Variants in POU2F1 observed in about 807,000 individuals in gnomAD.
POU2F1 encodes POU class 2 homeobox 1.
In POU2F1, 16 loss-of-function variants were observed where a neutral mutation model predicts 84.9. That is an observed-to-expected ratio of 0.19 (90% CI 0.13 to 0.29). POU2F1 has a LOEUF of 0.29. Among genes scored for constraint, POU2F1 ranks in the 10% least tolerant of loss-of-function variants. The probability of loss-of-function intolerance (pLI) is 1.00; values close to 1 mark genes in which losing one functional copy is unlikely to be tolerated. For synonymous variants in POU2F1, 368 were observed against 368.3 expected (o/e 1.00, Z 0.01); for missense variants, 738 against 942.6 (o/e 0.78, Z 2.84).
intron 13 of POU2F1, among the ~76,000 whole-genome samples, chr1:167,402,389 C>A (rs1649275678): frequency 6.6e-6 from 1 of 152,114 alleles, no homozygotes; most frequent in South Asian, 2.1e-4. Context: ...CTATGACCTA[C>A]CCATGATGTA....
At chr1:167,307,490 A>G (rs1339308903) in intron 1 of POU2F1, among the ~76,000 whole-genome samples, 1 of 150,858 alleles carries the variant, frequency 6.6e-6, no homozygotes, top group Non-Finnish European at 1.5e-5. Flanking sequence ...AAAAAACTGT[A>G]TAGTGGTTTG....
chr1:167,300,367 C>T (rs984428283), intron 1 of POU2F1, among the ~76,000 whole-genome samples: 1 of 152,168 alleles, frequency 6.6e-6, no homozygotes, highest in Admixed American at 6.5e-5. Flanking sequence ...ACTTCAGTAT[C>T]ATGCAATATA....
At chr1:167,359,900 A>G (rs1292170556) in intron 2 of POU2F1, among the ~76,000 whole-genome samples, 2 of 140,822 alleles carry the variant, frequency 1.4e-5, no homozygotes, top group Non-Finnish European at 3.0e-5. Context: ...GTGAGATGGT[A>G]TCTCATTGTT....
At chr1:167,356,528 G>A (rs1439562367) in intron 2 of POU2F1, among the ~76,000 whole-genome samples, 1 of 152,076 alleles carries the variant, frequency 6.6e-6, no homozygotes, top group East Asian at 1.9e-4. Flanking sequence ...AAATATCCAA[G>A]TTTCACAGCA....
chr1:167,221,024 G>T (rs1446484349), intron 1 of POU2F1, 66 bp downstream of exon 1: 1 of 1,315,418 alleles, frequency 7.6e-7, no homozygotes, highest in South Asian at 1.3e-5. Context: ...GCCCCCCCCC[G>T]CGACTTAGCA....
intron 15 of POU2F1, chr1:167,414,860 G>T (rs1368033752): frequency 5.2e-6 from 3 of 574,986 alleles, no homozygotes; most frequent in East Asian, 1.4e-4. Flanking sequence ...TTTGCAAGAT[G>T]ATTTTCATCT....
At chr1:167,307,897 G>A (rs1655191990) in intron 1 of POU2F1, among the ~76,000 whole-genome samples, 1 of 151,970 alleles carries the variant, frequency 6.6e-6, no homozygotes, top group African/African-American at 2.4e-5. Flanking sequence ...TGATTTCTAG[G>A]GTCATGGCAC....
intron 1 of POU2F1, among the ~76,000 whole-genome samples, chr1:167,252,657 G>C (rs1409253606): frequency 1.3e-5 from 2 of 152,056 alleles, no homozygotes; most frequent in Non-Finnish European, 2.9e-5. Context: ...ATTATATCTG[G>C]CTTTTTACTT....
intron 2 of POU2F1, among the ~76,000 whole-genome samples, chr1:167,340,034 G>C (rs1010523728): frequency 1.3e-5 from 2 of 152,162 alleles, no homozygotes; most frequent in Non-Finnish European, 2.9e-5. Flanking sequence ...GCTCAGAGAG[G>C]TTCAGTCACT....
chr1:167,398,663 TATC>T (rs761750337), intron 11 of POU2F1, among the ~76,000 whole-genome samples: 1 of 152,198 alleles, frequency 6.6e-6, no homozygotes, highest in Non-Finnish European at 1.5e-5. Flanking sequence ...TACCAGGTAA[TATC>T]ATAACAAAGC....
chr1:167,329,152 C>A, intron 1 of POU2F1: 1 of 1,410,214 alleles, frequency 7.1e-7, no homozygotes, highest in Non-Finnish European at 9.4e-7. Context: ...CTACGCAACC[C>A]CCCTCTTTTC....
chr1:167,283,585 G>A (rs1427094052), intron 1 of POU2F1, among the ~76,000 whole-genome samples: 1 of 152,186 alleles, frequency 6.6e-6, no homozygotes, highest in African/African-American at 2.4e-5. Flanking sequence ...AGTCAGTGAA[G>A]AGTCTGAAAT....
At chr1:167,236,862 A>G (rs1649494348) in intron 1 of POU2F1, among the ~76,000 whole-genome samples, 1 of 152,208 alleles carries the variant, frequency 6.6e-6, no homozygotes, top group African/African-American at 2.4e-5. Context: ...TGCTTTCTCT[A>G]AAGGCAATTT....
At chr1:167,389,788 T>A (rs373636368) in intron 9 of POU2F1, 27 bp downstream of exon 9, 1 of 1,602,868 alleles carries the variant, frequency 6.2e-7, no homozygotes, top group African/African-American at 1.3e-5. Flanking sequence ...TTACATTGAT[T>A]CCCCTCCTTG....
At chr1:167,301,579 G>A (rs1474798279) in intron 1 of POU2F1, among the ~76,000 whole-genome samples, 2 of 152,138 alleles carry the variant, frequency 1.3e-5, no homozygotes, top group Non-Finnish European at 2.9e-5. Context: ...GACCACACCT[G>A]GTTTATTTGC....
chr1:167,302,088 G>T (rs1055041895), intron 1 of POU2F1, among the ~76,000 whole-genome samples: 1 of 151,770 alleles, frequency 6.6e-6, no homozygotes, highest in Non-Finnish European at 1.5e-5. Flanking sequence ...CCGCCCCCGA[G>T]ACGGAGTCTT....
In POU2F1 at chr1:167,375,953, A is replaced by G. The variant is rs932392385; in HGVS notation, c.592-76A>G. 3.3e-5 allele frequency: 50 copies of G among 1,525,582 alleles called. No individual in the cohort carries two copies. In the Admixed American group the frequency reaches 7.9e-4, roughly 24 times the overall value. The allele number at this position is 1,525,582 out of a possible 1,614,324, so 94.5% of individuals were successfully genotyped here. A position where few individuals can be genotyped will look rare whatever the true frequency, so the allele number is the denominator to read the frequency against. On this transcript the variant is annotated intron_variant, in intron 6 of 15. Transcript: ENST00000367866. ...TCTTTATTTGGATGTGACAGAAGTC[A>G]TCAGCTGGAAGCCTTATAATTAAGC...
intron 1 of POU2F1, among the ~76,000 whole-genome samples, chr1:167,245,283 C>T (rs888776488): frequency 4.6e-5 from 7 of 151,376 alleles, no homozygotes; most frequent in Admixed American, 1.3e-4. Context: ...CATTCTGTCA[C>T]CCAGCTGGAA....
At chr1:167,364,004 T>C (rs1467990085) in intron 2 of POU2F1, among the ~76,000 whole-genome samples, 1 of 152,176 alleles carries the variant, frequency 6.6e-6, no homozygotes, top group Non-Finnish European at 1.5e-5. Flanking sequence ...AAGAATGGGA[T>C]GTTTGAGTGG....
Sources: allele counts gnomAD v4.1 joint callset (sites outside exome capture counted in the v4.1 genomes callset), GRCh38; gene constraint gnomAD v4.1.1; transcripts MANE v1.5; gene names NCBI Gene and HGNC (gene_info 2026-07-23, HGNC 2026-07-21).